Variants in MAP7D3 observed in about 807,000 individuals in gnomAD.
MAP7D3 encodes MAP7 domain-containing protein 3.
A neutral mutation model predicts 62.2 loss-of-function variants in MAP7D3; 45 were observed. The ratio of observed to expected loss-of-function variants is 0.72; its 90% confidence interval spans 0.57 to 0.93. MAP7D3 has a LOEUF of 0.93. MAP7D3 is among the 40% of genes least tolerant of loss of function. MAP7D3 has a pLI of 0.00. For missense variants in MAP7D3, 711 were observed against 683.1 expected, an observed-to-expected ratio of 1.04 and a Z score of -0.45; for synonymous variants, 288 against 248.8, an observed-to-expected ratio of 1.16 and a Z score of -1.48.
intron 6 of MAP7D3, among the ~76,000 whole-genome samples, chrX:136,239,860 G>A (rs1406967019): frequency 8.9e-6 from 1 of 111,974 alleles, no homozygotes; most frequent in Non-Finnish European, 1.9e-5. Context: ...AGCTACTGAG[G>A]TCCAATAATC....
chrX:136,214,596 C>T (rs1450781379), downstream of MAP7D3: 1 of 111,926 alleles, frequency 8.9e-6, no homozygotes, highest in Admixed American at 9.4e-5. Context: ...AGAGCAACAA[C>T]GTGCACAATG....
rs959860326 is a variant in MAP7D3, at chrX:136,222,481, T to C, written c.2199A>G (p.Thr733=). 8.4e-7 allele frequency: 1 copy of C among 1,192,348 alleles called. No homozygotes were observed. The highest frequency in any genetic ancestry group is 1.1e-6 in the Non-Finnish European group (1 of 879,548). Residue 733 remains threonine (T), a synonymous_variant, in exon 15 of 19, where the codon ACA becomes ACG. Coordinates refer to ENST00000316077, the MANE Select transcript of MAP7D3 (RefSeq NM_024597.4). ...CATATATGTCATGGCTGGATGTTTC[T>C]GTGACCTACGATTAAAAAAGGAAAT... ...RKTDVNASKV[T]ETSSHDIYEE...
At chrX:136,229,753 T>A (rs2074239498) in intron 10 of MAP7D3, among the ~76,000 whole-genome samples, 1 of 104,968 alleles carries the variant, frequency 9.5e-6, no homozygotes, top group African/African-American at 3.5e-5. Context: ...CAGACTAGAG[T>A]GTAAAGGCAC....
In MAP7D3 at chrX:136,250,222, TA is replaced by T. The variant is rs202009621; in HGVS notation, c.70+1066del. ...AGAGCTGATTCAAAGTCTTCTCAAGTAACATATAGCTTCCCAATCGTAAACA... is the reference window on the plus strand; with the variant it reads ...AGAGCTGATTCAAAGTCTTCTCAAGTACATATAGCTTCCCAATCGTAAACA... On this transcript the variant is annotated intron_variant, in intron 1 of 18. Coordinates refer to ENST00000316077, the MANE Select transcript of MAP7D3 (RefSeq NM_024597.4). Among the ~76,000 whole-genome samples, 503 of 112,387 alleles carry T rather than the reference TA, an allele frequency of 4.5e-3. 6 individuals are homozygous for T. The highest frequency in any genetic ancestry group is 0.016 in the African/African-American group (480 of 30,963).
At chrX:136,216,359 T>TAA (rs58245551), downstream of MAP7D3, among the ~76,000 whole-genome samples, 535 of 25,392 alleles carry the variant, frequency 0.021, 16 homozygotes, top group African/African-American at 0.056. Context: ...ACCCTATCTC[T>TAA]AAAAAAAAAA....
At chrX:136,254,310 C>T (rs1347449693), upstream of MAP7D3, among the ~76,000 whole-genome samples, 1 of 110,116 alleles carries the variant, frequency 9.1e-6, no homozygotes, top group Non-Finnish European at 1.9e-5. Flanking sequence ...GTCTCCAACT[C>T]CTGAGGTCAA....
Position 136,219,402 on chromosome X carries a change from A to G in MAP7D3, c.*28T>C, listed in dbSNP as rs766443988. ...GTAGATGAGATGAGGACTTACCCAA[A>G]TGAGGAGAAACAGGTTTGCTTCTTC... On this transcript the variant is annotated 3_prime_UTR_variant, in exon 18 of 19. Coordinates refer to ENST00000316077, the MANE Select transcript of MAP7D3 (RefSeq NM_024597.4). 1 of 1,144,258 alleles carries G rather than the reference A, an allele frequency of 8.7e-7. No homozygotes were observed. Among genetic ancestry groups the G allele is most frequent in the Non-Finnish European group, 1.2e-6 (1 of 840,789 alleles). The allele number at this position is 1,144,258 out of a possible 1,213,427, so 94.3% of individuals were successfully genotyped here.
downstream of MAP7D3, chrX:136,213,508 G>GT (rs1413128072): frequency 9.0e-6 from 1 of 110,918 alleles, no homozygotes; most frequent in East Asian, 2.8e-4. Context: ...CCTGTGAGAC[G>GT]TAAAATTTCT....
At position 136,222,475 on chromosome X, in the gene MAP7D3, T is replaced by C; in HGVS notation, c.2205A>G (p.Thr735=). Residue 735 remains threonine, a synonymous_variant, in exon 15 of 19, where the codon ACA becomes ACG. Transcript: ENST00000316077. ...CCTCTTCATATATGTCATGGCTGGA[T>C]GTTTCTGTGACCTACGATTAAAAAA... ...TDVNASKVTE[T]SSHDIYEEAE... 1.7e-6 allele frequency: 2 copies of C among 1,198,910 alleles called. No individual in the cohort carries two copies. The highest frequency in any genetic ancestry group is 3.5e-5 in the South Asian group (2 of 56,513).
At position 136,219,633 on chromosome X, in the gene MAP7D3, G is replaced by A; in HGVS notation, c.2525C>T (p.Thr842Ile). The A allele has an allele frequency of 8.3e-7, 1 of 1,207,973 alleles. No homozygotes were observed. The highest frequency in any genetic ancestry group is 1.1e-6 in the Non-Finnish European group (1 of 891,983). Residue 842 changes from threonine to isoleucine, a missense_variant, in exon 17 of 19, where the codon ACC becomes ATC. Transcript: ENST00000316077. The stretch of plus-strand genomic sequence containing the variant: ...GGTGTTGGTTTCATCCGCCTTTCTG[G>A]TTTTCGTTGTGTGACTGGTCATTCT... ...SKRMTSHTTK[T>I]RKADETNTTS...
intron 1 of MAP7D3, among the ~76,000 whole-genome samples, chrX:136,250,184 A>G (rs2074489271): frequency 8.9e-6 from 1 of 112,376 alleles, no homozygotes; most frequent in Non-Finnish European, 1.9e-5. Flanking sequence ...TATGCTTCTG[A>G]CACAGTCTTT....
chrX:136,220,688 C>T, intron 16 of MAP7D3, 77 bp downstream of exon 16: 1 of 835,735 alleles, frequency 1.2e-6, no homozygotes, highest in Non-Finnish European at 1.8e-6. Flanking sequence ...CACAAGAGAT[C>T]ATATTTATCT....
In MAP7D3 at chrX:136,220,833, A is replaced by G; in HGVS notation, c.2418T>C (p.Phe806=). 1.7e-6 allele frequency: 2 copies of G among 1,210,400 alleles called. No individual in the cohort carries two copies. Among genetic ancestry groups the G allele is most frequent in the East Asian group, 5.9e-5 (2 of 33,849 alleles). The part of the protein sequence containing the change: ...SQVRKEPKTY[F]NGDLKNFRQK... ...GTCTGAAGTTTTTCAAATCGCCATT[A>G]AAATATGTTTTTGGCTCTTTACGGA... Residue 806 remains phenylalanine, a synonymous_variant, in exon 16 of 19, where the codon TTT becomes TTC. Transcript: ENST00000316077.
intron 12 of MAP7D3, among the ~76,000 whole-genome samples, chrX:136,226,441 A>T (rs2148403003): frequency 8.9e-6 from 1 of 112,151 alleles, no homozygotes; most frequent in South Asian, 3.7e-4. Context: ...TACACTAAAA[A>T]CTGGAAATAT....
upstream of MAP7D3, chrX:136,256,085 C>T (rs1603285892): frequency 1.3e-6 from 1 of 751,646 alleles, no homozygotes; most frequent in Non-Finnish European, 1.6e-6. Flanking sequence ...TTCTTAACGA[C>T]CTGTTAGATT....
chrX:136,238,578 T>C (rs1024432558), intron 6 of MAP7D3, among the ~76,000 whole-genome samples: 1 of 111,735 alleles, frequency 8.9e-6, no homozygotes, highest in African/African-American at 3.2e-5. Flanking sequence ...TATTAATCTA[T>C]GAACAAACCC....
At position 136,226,032 on chromosome X, in the gene MAP7D3, A is replaced by G. The variant is rs995646412; in HGVS notation, c.2035-19T>C. 9.5e-7 allele frequency: 1 copy of G among 1,057,056 alleles called. No homozygotes were observed. Among genetic ancestry groups the G allele is most frequent in the Non-Finnish European group, 1.3e-6 (1 of 764,788 alleles). 87.1% of individuals were successfully genotyped at this position (1,057,056 alleles called of 1,213,427 possible). ...CCCCTTTCTAGGAAATTTGCATAAA[A>G]ATATCATTCAATCTCAAGATACCTG... On this transcript the variant is annotated intron_variant, in intron 12 of 18. Coordinates refer to ENST00000316077, the MANE Select transcript of MAP7D3 (RefSeq NM_024597.4).
chrX:136,228,772 A>G lies in MAP7D3; in HGVS notation c.1751-14T>C. 1 of 1,168,997 alleles carries G rather than the reference A, an allele frequency of 8.6e-7. No individual in the cohort carries two copies. Among genetic ancestry groups the G allele is most frequent in the Non-Finnish European group, 1.1e-6 (1 of 872,361 alleles). On this transcript the variant is annotated splice_polypyrimidine_tract_variant and intron_variant, in intron 10 of 18. Coordinates refer to ENST00000316077, the MANE Select transcript of MAP7D3 (RefSeq NM_024597.4). Reference sequence around the variant, plus strand: ...TATTACCAGACTCTAGTTTAAATAAATATGTGCAACAGTTAAGAGAGCTAA... The same window carrying G: ...TATTACCAGACTCTAGTTTAAATAAGTATGTGCAACAGTTAAGAGAGCTAA...
chrX:136,247,501 T>C (rs775325847), intron 1 of MAP7D3, among the ~76,000 whole-genome samples: 1 of 110,643 alleles, frequency 9.0e-6, no homozygotes, highest in Non-Finnish European at 1.9e-5. Flanking sequence ...ATAAAATGAA[T>C]GAACTCTGAG....
Sources: allele counts gnomAD v4.1 joint callset (sites outside exome capture counted in the v4.1 genomes callset), GRCh38; gene constraint gnomAD v4.1.1; transcripts MANE v1.5; gene names NCBI Gene and HGNC (gene_info 2026-07-23, HGNC 2026-07-21).